Variants in CTNNA2 observed in about 807,000 individuals in gnomAD.
CTNNA2 encodes catenin alpha-2.
Under a neutral mutation model 101.0 loss-of-function variants are expected in CTNNA2, and 42 were observed. The ratio of observed to expected loss-of-function variants is 0.42; its 90% confidence interval spans 0.32 to 0.54. The LOEUF is 0.54. Ranked by LOEUF, CTNNA2 falls within the 20% of genes least tolerant of loss-of-function variation. CTNNA2 has a pLI of 0.14. For missense variants in CTNNA2, 871 were observed against 1,223.1 expected, an observed-to-expected ratio of 0.71 and a Z score of 4.29; for synonymous variants, 450 against 456.4, an observed-to-expected ratio of 0.99 and a Z score of 0.18.
At chr2:80,371,503 TAC>T (rs55947840) in intron 7 of CTNNA2, among the ~76,000 whole-genome samples, 12 of 148,202 alleles carry the variant, frequency 8.1e-5, no homozygotes, top group African/African-American at 1.7e-4. Context: ...GTGCAGTGCA[TAC>T]ACACACACAC....
At chr2:80,093,085 A>C (rs996126489) in intron 7 of CTNNA2, among the ~76,000 whole-genome samples, 1 of 151,940 alleles carries the variant, frequency 6.6e-6, no homozygotes. Flanking sequence ...TACATGTGCC[A>C]TGTTGGTGTG....
At chr2:79,601,196 GTTCTT>G (rs1012532784) in intron 1 of CTNNA2, among the ~76,000 whole-genome samples, 20 of 152,058 alleles carry the variant, frequency 1.3e-4, no homozygotes, top group Non-Finnish European at 2.2e-4. Flanking sequence ...CAGGAGGTAC[GTTCTT>G]ATGTATAAGA....
At chr2:80,596,162 C>T (rs560217129) in intron 15 of CTNNA2, among the ~76,000 whole-genome samples, 2 of 151,140 alleles carry the variant, frequency 1.3e-5, no homozygotes, top group Admixed American at 1.3e-4. Flanking sequence ...TGGCTCTCTG[C>T]TTGTCTATTG....
At chr2:80,048,049 C>T (rs1310453614) in intron 7 of CTNNA2, among the ~76,000 whole-genome samples, 10 of 151,934 alleles carry the variant, frequency 6.6e-5, no homozygotes, top group South Asian at 2.1e-4. Context: ...AAGAGGAGGC[C>T]GCTATGGGTC....
chr2:80,363,004 CAAA>C (rs35779761), intron 7 of CTNNA2, among the ~76,000 whole-genome samples: 42,129 of 114,230 alleles, frequency 0.37, 6,511 homozygotes, highest in East Asian at 0.54. Context: ...GACATCGTCT[CAAA>C]AAAAAAAAAA....
intron 14 of CTNNA2, chr2:80,586,343 T>G (rs1167419186): frequency 1.3e-5 from 2 of 152,336 alleles, no homozygotes; most frequent in East Asian, 3.9e-4. Context: ...CAATGAAATG[T>G]GCATTGCTTT....
chr2:80,243,122 T>C (rs954912091), intron 7 of CTNNA2, among the ~76,000 whole-genome samples: 2 of 152,294 alleles, frequency 1.3e-5, no homozygotes, highest in South Asian at 4.2e-4. Context: ...TCTTCAGACA[T>C]GAGCATGTTA....
At chr2:79,311,085 G>A (rs72917268) in intron 2 of CTNNA2, among the ~76,000 whole-genome samples, 13,103 of 152,264 alleles carry the variant, frequency 0.086, 619 homozygotes, top group African/African-American at 0.1. Context: ...CTAGTCACCA[G>A]TGCCTTAAGT....
intron 3 of CTNNA2, among the ~76,000 whole-genome samples, chr2:79,342,709 A>G (rs1231798639): frequency 6.6e-6 from 1 of 152,208 alleles, no homozygotes; most frequent in Non-Finnish European, 1.5e-5. Context: ...TCTGGTGCTA[A>G]CAATTGCAAA....
chr2:80,304,080 T>C (rs1676660517), intron 7 of CTNNA2: 1 of 393,254 alleles, frequency 2.5e-6, no homozygotes, highest in Non-Finnish European at 4.5e-6. Flanking sequence ...CCATGTTAGA[T>C]GCTGCAGCAA....
chr2:79,504,745 C>G (rs1671375428), intron 4 of CTNNA2, among the ~76,000 whole-genome samples: 1 of 152,108 alleles, frequency 6.6e-6, no homozygotes, highest in Admixed American at 6.5e-5. Context: ...GCATCTTGAT[C>G]AGGAGAAACA....
intron 7 of CTNNA2, among the ~76,000 whole-genome samples, chr2:80,253,782 T>C (rs1166085713): frequency 1.3e-5 from 2 of 152,176 alleles, no homozygotes; most frequent in Non-Finnish European, 2.9e-5. Flanking sequence ...TCAAGAATTA[T>C]AGGATTCTAG....
chr2:79,699,788 TAC>T (rs377095429), intron 2 of CTNNA2, among the ~76,000 whole-genome samples: 6,966 of 119,826 alleles, frequency 0.058, 293 homozygotes, highest in Admixed American at 0.14. Flanking sequence ...AAGAAAAAAA[TAC>T]ACACACACAC....
chr2:79,507,362 G>T (rs555080595), intron 5 of CTNNA2, among the ~76,000 whole-genome samples: 1 of 152,080 alleles, frequency 6.6e-6, no homozygotes, highest in Admixed American at 6.6e-5. Context: ...GGTCATGAAT[G>T]GATTAATGCC....
intron 4 of CTNNA2, among the ~76,000 whole-genome samples, chr2:79,383,980 A>C (rs913768470): frequency 3.3e-5 from 5 of 152,144 alleles, no homozygotes; most frequent in East Asian, 3.9e-4. Context: ...ATCTAGGCCC[A>C]TTCATAATCA....
At chr2:80,555,064 T>C (rs542518413) in intron 11 of CTNNA2, among the ~76,000 whole-genome samples, 13 of 152,342 alleles carry the variant, frequency 8.5e-5, no homozygotes, top group African/African-American at 2.9e-4. Context: ...CTGGATTGTA[T>C]TTTAATTGTG....
intron 7 of CTNNA2, among the ~76,000 whole-genome samples, chr2:80,122,353 T>TC (rs1161070344): frequency 2.0e-5 from 3 of 150,722 alleles, no homozygotes; most frequent in East Asian, 3.9e-4. Flanking sequence ...TTTCTCTCTC[T>TC]CCCCCCTTCC....
At chr2:79,669,590 A>T (rs1682683055) in intron 2 of CTNNA2, among the ~76,000 whole-genome samples, 1 of 152,182 alleles carries the variant, frequency 6.6e-6, no homozygotes, top group South Asian at 2.1e-4. Context: ...CTCTTAGCAG[A>T]GAGAAGGCCC....
chr2:80,641,224 A>T (rs1042244042), intron 18 of CTNNA2, among the ~76,000 whole-genome samples: 1 of 152,184 alleles, frequency 6.6e-6, no homozygotes, highest in Non-Finnish European at 1.5e-5. Flanking sequence ...ATCACCTTCC[A>T]GATGGATTTG....
Sources: gnomAD v4.1 joint callset for allele counts (sites outside exome capture counted in the v4.1 genomes callset) on GRCh38, gnomAD v4.1.1 for gene constraint, MANE v1.5 for transcripts, NCBI Gene and HGNC (gene_info 2026-07-23, HGNC 2026-07-21) for gene names.